NCOA1: variants seen among roughly 807,000 people sequenced by gnomAD.
The protein encoded by NCOA1 is nuclear receptor coactivator 1.
Under a neutral mutation model 150.9 loss-of-function variants are expected in NCOA1, and 35 were observed. That is an observed-to-expected ratio of 0.23 (90% CI 0.18 to 0.31). NCOA1 has a LOEUF of 0.31. NCOA1 is among the 10% of genes least tolerant of loss of function. The probability of loss-of-function intolerance (pLI) is 1.00; values close to 1 mark genes in which losing one functional copy is unlikely to be tolerated. For missense variants in NCOA1, 1,491 were observed against 1,749.3 expected, an observed-to-expected ratio of 0.85 and a Z score of 2.63; for synonymous variants, 590 against 630.0, an observed-to-expected ratio of 0.94 and a Z score of 0.95.
At chr2:24,509,272 A>G (rs1663830048) in intron 1 of NCOA1, among the ~76,000 whole-genome samples, 2 of 152,238 alleles carry the variant, frequency 1.3e-5, no homozygotes, top group East Asian at 1.9e-4. Flanking sequence ...CCAAGGCCAC[A>G]TTGCTAAGAA....
intron 3 of NCOA1, among the ~76,000 whole-genome samples, chr2:24,594,943 CTT>C (rs939149075): frequency 3.3e-5 from 5 of 151,920 alleles, no homozygotes; most frequent in Non-Finnish European, 5.9e-5. Context: ...TTATTAAAGT[CTT>C]ATCTTTAAAT....
chr2:24,679,924 A>T (rs1672087700), intron 7 of NCOA1, among the ~76,000 whole-genome samples: 1 of 152,218 alleles, frequency 6.6e-6, no homozygotes, highest in African/African-American at 2.4e-5. Flanking sequence ...TTAAATGAGA[A>T]CAATGGGTTG....
At chr2:24,625,757 T>G (rs928911540) in intron 3 of NCOA1, among the ~76,000 whole-genome samples, 19 of 152,100 alleles carry the variant, frequency 1.2e-4, no homozygotes, top group South Asian at 8.3e-4. Context: ...TTTTGTTTTT[T>G]TTTTTTCCTC....
At chr2:24,703,549 A>G (rs1006644759) in intron 11 of NCOA1, among the ~76,000 whole-genome samples, 15 of 152,208 alleles carry the variant, frequency 9.9e-5, no homozygotes, top group South Asian at 2.1e-4. Context: ...TAGATACATT[A>G]TATTTAGTAA....
chr2:24,524,497 G>C (rs775920802), intron 1 of NCOA1, among the ~76,000 whole-genome samples: 3 of 151,940 alleles, frequency 2.0e-5, no homozygotes, highest in Non-Finnish European at 4.4e-5. Context: ...GTCCCACTCT[G>C]TTGCCCACAC....
rs142101398 is a variant in NCOA1 at position 24,665,985 on chromosome 2, TTTATTA to T, written c.256+88_256+93del. The stretch of plus-strand genomic sequence containing the variant: ...AGACATTTATAATATGTGATTTTAC[TTTATTA>T]TTATTATTATTATTATTTTATTATT... On this transcript the variant is annotated intron_variant, in intron 6 of 22. Coordinates refer to ENST00000348332, the MANE Select transcript of NCOA1 (RefSeq NM_003743.5). 1.8e-4 allele frequency: 142 copies of T among 793,010 alleles called. No individual in the cohort carries two copies. In the African/African-American group the frequency reaches 1.9e-3, roughly 11 times the overall value. The allele number at this position is 793,010 out of a possible 1,614,324, so 49.1% of individuals were successfully genotyped here. A position where few individuals can be genotyped will look rare whatever the true frequency, so the allele number is the denominator to read the frequency against.
At chr2:24,503,924 G>A (rs755875653) in intron 1 of NCOA1, among the ~76,000 whole-genome samples, 30 of 151,862 alleles carry the variant, frequency 2.0e-4, no homozygotes, top group Non-Finnish European at 3.5e-4. Flanking sequence ...TAGTAGAGAC[G>A]GGGTTTCACC....
chr2:24,760,770 G>T (rs1434305315), intron 21 of NCOA1, among the ~76,000 whole-genome samples: 1 of 151,762 alleles, frequency 6.6e-6, no homozygotes, highest in African/African-American at 2.4e-5. Flanking sequence ...CTTATTCTTG[G>T]GGTTCATTGA....
chr2:24,505,175 TA>T (rs1189473880), intron 1 of NCOA1, among the ~76,000 whole-genome samples: 1 of 152,006 alleles, frequency 6.6e-6, no homozygotes, highest in Non-Finnish European at 1.5e-5. Context: ...TGTATTCCAA[TA>T]TTTTTTTCTT....
Position 24,523,841 on chromosome 2 carries a change from G to A in NCOA1, c.-396+32239G>A, listed in dbSNP as rs528305914. ...CTTGGGAGGCTGAGGCAGGAGAATC[G>A]CTTGAACCCAGGAGGTGGAGGGTAC... On this transcript the variant is annotated intron_variant, in intron 1 of 22. Coordinates refer to ENST00000348332, the MANE Select transcript of NCOA1 (RefSeq NM_003743.5). 7.8e-4 allele frequency among the ~76,000 whole-genome samples: 108 copies of A among 137,778 alleles called. 1 individual carries two copies. The highest frequency in any genetic ancestry group is 6.1e-3 in the South Asian group (26 of 4,272). 90.4% of individuals were successfully genotyped at this position (137,778 alleles called of 152,430 possible).
intron 1 of NCOA1, among the ~76,000 whole-genome samples, chr2:24,546,676 T>G (rs1337413413): frequency 1.3e-5 from 2 of 152,262 alleles, no homozygotes; most frequent in African/African-American, 4.8e-5. Context: ...AGCAGTGATT[T>G]ATAATTTTTA....
chr2:24,740,954 C>T (rs1402339568), intron 18 of NCOA1, among the ~76,000 whole-genome samples: 4 of 152,198 alleles, frequency 2.6e-5, no homozygotes, highest in Non-Finnish European at 4.4e-5. Flanking sequence ...AATTTGACCA[C>T]TTCTTTCCTC....
chr2:24,548,968 C>A (rs548084081), intron 1 of NCOA1, among the ~76,000 whole-genome samples: 2 of 152,268 alleles, frequency 1.3e-5, no homozygotes, highest in East Asian at 3.9e-4. Flanking sequence ...GATGGTGGCC[C>A]TCTTCTCACA....
At chr2:24,669,080 G>A (rs1037011421) in intron 6 of NCOA1, among the ~76,000 whole-genome samples, 1 of 152,152 alleles carries the variant, frequency 6.6e-6, no homozygotes, top group African/African-American at 2.4e-5. Flanking sequence ...GCAGGTTGGT[G>A]TAAATAAATT....
At chr2:24,535,270 A>G (rs1349257250) in intron 1 of NCOA1, among the ~76,000 whole-genome samples, 1 of 149,234 alleles carries the variant, frequency 6.7e-6, no homozygotes, top group Non-Finnish European at 1.5e-5. Flanking sequence ...TAGGATTGCA[A>G]CCCCTGCTTT....
chr2:24,496,975 A>G (rs982269155), intron 1 of NCOA1, among the ~76,000 whole-genome samples: 2 of 152,246 alleles, frequency 1.3e-5, no homozygotes, highest in Non-Finnish European at 2.9e-5. Context: ...AAACTACAAA[A>G]GTACCTGTAG....
At chr2:24,603,023 C>T (rs1221991935) in intron 3 of NCOA1, among the ~76,000 whole-genome samples, 3 of 152,192 alleles carry the variant, frequency 2.0e-5, no homozygotes, top group South Asian at 4.1e-4. Context: ...AAAGATAAGA[C>T]GTACCTACAA....
At chr2:24,559,607 C>T (rs1027913390) in intron 1 of NCOA1, among the ~76,000 whole-genome samples, 1 of 152,208 alleles carries the variant, frequency 6.6e-6, no homozygotes, top group African/African-American at 2.4e-5. Flanking sequence ...TGGGCTCTCT[C>T]AGCCTCAGCA....
chr2:24,751,800 A>G (rs1309501443), intron 19 of NCOA1, among the ~76,000 whole-genome samples, 182 bp from the exon 20 acceptor site: 1 of 152,162 alleles, frequency 6.6e-6, no homozygotes, highest in Non-Finnish European at 1.5e-5. Flanking sequence ...CTAGTTTAAG[A>G]TACTAAATTT....
Sources: gnomAD v4.1 joint callset for allele counts (sites outside exome capture counted in the v4.1 genomes callset) on GRCh38, gnomAD v4.1.1 for gene constraint, MANE v1.5 for transcripts, NCBI Gene and HGNC (gene_info 2026-07-23, HGNC 2026-07-21) for gene names.